PLEKHA6: variants seen among roughly 807,000 people sequenced by gnomAD.
The protein encoded by PLEKHA6 is pleckstrin homology domain-containing family A member 6.
In PLEKHA6, 60 loss-of-function variants were observed where a neutral mutation model predicts 116.7. The observed-to-expected ratio is 0.51, with a 90% confidence interval of 0.42 to 0.64. PLEKHA6 has a LOEUF of 0.64. Among genes scored for constraint, PLEKHA6 ranks in the 30% least tolerant of loss-of-function variants. PLEKHA6 has a pLI of 0.00. For missense variants in PLEKHA6, 1,338 were observed against 1,422.7 expected (o/e 0.94, Z 0.96); for synonymous variants, 489 against 556.1 (o/e 0.88, Z 1.70).
chr1:204,226,106 T>A (rs956940237), intron 21 of PLEKHA6, among the ~76,000 whole-genome samples: 6 of 152,190 alleles, frequency 3.9e-5, no homozygotes, highest in African/African-American at 1.4e-4. Flanking sequence ...GTGTCCTGGG[T>A]GTGAACCTGT....
chr1:204,252,386 G>A (rs1382534718), intron 9 of PLEKHA6, among the ~76,000 whole-genome samples: 1 of 151,872 alleles, frequency 6.6e-6, no homozygotes, highest in Non-Finnish European at 1.5e-5. Flanking sequence ...AGAAAGGGCA[G>A]GCCAACCAAT....
intron 3 of PLEKHA6, among the ~76,000 whole-genome samples, chr1:204,270,646 C>T (rs563984056): frequency 6.6e-5 from 10 of 152,208 alleles, no homozygotes; most frequent in Non-Finnish European, 1.0e-4. Flanking sequence ...ATTCCACTAC[C>T]GTGGTCTTAA....
intron 1 of PLEKHA6, among the ~76,000 whole-genome samples, chr1:204,304,830 G>C (rs778486800): frequency 9.2e-5 from 14 of 152,168 alleles, no homozygotes; most frequent in Non-Finnish European, 1.6e-4. Flanking sequence ...AGGTATGGAA[G>C]GGAGGGGGAA....
chr1:204,346,415 G>GGAGA (rs67652431), intron 1 of PLEKHA6, among the ~76,000 whole-genome samples: 1 of 1,648 alleles, frequency 6.1e-4, no homozygotes, highest in Non-Finnish European at 2.9e-3. Flanking sequence ...GGGCACCTGA[G>GGAGA]GGTGGCCAGC....
intron 15 of PLEKHA6, among the ~76,000 whole-genome samples, chr1:204,242,941 G>T (rs1663041319): frequency 6.6e-6 from 1 of 152,248 alleles, no homozygotes; most frequent in South Asian, 2.1e-4. Flanking sequence ...CTGTATGATG[G>T]CTTCAACTAT....
Position 204,324,930 on chromosome 1 carries a change from AT to A in PLEKHA6, c.-95+34763del, listed in dbSNP as rs530259653. On this transcript the variant is annotated intron_variant, in intron 1 of 22. Transcript: ENST00000272203. ...CAGAATTTTATTTATTTATTTATTT[AT>A]TTTTGAGATGGGGTCTCACTTTGTT... Among the ~76,000 whole-genome samples, 304 of 150,716 alleles carry A rather than the reference AT, an allele frequency of 2.0e-3. 1 individual carries two copies. Among genetic ancestry groups the A allele is most frequent in the African/African-American group, 5.7e-3 (228 of 40,298 alleles).
chr1:204,313,624 C>A, intron 1 of PLEKHA6: 2 of 984,830 alleles, frequency 2.0e-6, no homozygotes, highest in Non-Finnish European at 2.4e-6. Context: ...TCCATATTAG[C>A]CCAAGGAAAT....
At chr1:204,321,374 A>G (rs1199812077) in intron 1 of PLEKHA6, among the ~76,000 whole-genome samples, 1 of 151,954 alleles carries the variant, frequency 6.6e-6, no homozygotes, top group South Asian at 2.1e-4. Flanking sequence ...TAAAGGATTA[A>G]GTTCAGCCTC....
intron 1 of PLEKHA6, among the ~76,000 whole-genome samples, chr1:204,283,634 A>G (rs1239161216): frequency 6.6e-6 from 1 of 152,202 alleles, no homozygotes; most frequent in Non-Finnish European, 1.5e-5. Context: ...GATGCACCCA[A>G]TCTGAGCTCC....
Position 204,255,696 on chromosome 1 carries a change from G to T in PLEKHA6, c.1524+1657C>A, listed in dbSNP as rs987478431. 40 of 702,694 alleles carry T rather than the reference G, an allele frequency of 5.7e-5. No homozygotes were observed. The African/African-American group carries it at 6.1e-4, about 11-fold the overall frequency. The allele number at this position is 702,694 out of a possible 1,614,324, so 43.5% of individuals were successfully genotyped here. A position where few individuals can be genotyped will look rare whatever the true frequency, so the allele number is the denominator to read the frequency against. ...AAGTTCATCCTACCCGGAGCCCGAGGCCCAGAGGCCAAACAGCAACACAAA... is the reference window on the plus strand; with the variant it reads ...AAGTTCATCCTACCCGGAGCCCGAGTCCCAGAGGCCAAACAGCAACACAAA... On this transcript the variant is annotated intron_variant, in intron 9 of 22. Coordinates refer to ENST00000272203, the MANE Select transcript of PLEKHA6 (RefSeq NM_014935.5).
chr1:204,244,748 G>C, intron 15 of PLEKHA6, 116 bp downstream of exon 15: 4 of 738,024 alleles, frequency 5.4e-6, no homozygotes, highest in Non-Finnish European at 8.3e-6. Flanking sequence ...AAGAGCTCCA[G>C]CACTAGGGCT....
intron 1 of PLEKHA6, among the ~76,000 whole-genome samples, chr1:204,351,928 G>C (rs1673292938): frequency 6.6e-6 from 1 of 152,188 alleles, no homozygotes; most frequent in Non-Finnish European, 1.5e-5. Context: ...ACAAAAATTA[G>C]CCAGGCGTGG....
At position 204,229,110 on chromosome 1, in the gene PLEKHA6, G is replaced by A. The variant is rs1400000279; in HGVS notation, c.2584-6C>T. On this transcript the variant is annotated splice_region_variant and splice_polypyrimidine_tract_variant and intron_variant, in intron 18 of 22. Transcript: ENST00000272203. Reference sequence around the variant, plus strand: ...ATGCTGCGGTGGCGGCGCACCTAGGGGACAGCAGCATCGTGATTGCACCAT... The same window carrying A: ...ATGCTGCGGTGGCGGCGCACCTAGGAGACAGCAGCATCGTGATTGCACCAT... The A allele has an allele frequency of 1.9e-6, 3 of 1,610,454 alleles. No individual in the cohort carries two copies. The highest frequency in any genetic ancestry group is 2.2e-5 in the South Asian group (2 of 91,020).
intron 15 of PLEKHA6, among the ~76,000 whole-genome samples, chr1:204,244,230 C>A (rs899711927): frequency 6.6e-6 from 1 of 152,042 alleles, no homozygotes; most frequent in African/African-American, 2.4e-5. Context: ...CTCCTGGGTT[C>A]AAGCAATTCT....
intron 1 of PLEKHA6, among the ~76,000 whole-genome samples, chr1:204,289,768 A>G (rs149901227): frequency 2.6e-4 from 40 of 152,330 alleles, no homozygotes; most frequent in African/African-American, 9.4e-4. Flanking sequence ...GCCATTGTAA[A>G]TGTTTATCAT....
chr1:204,245,151 C>T, intron 14 of PLEKHA6, 148 bp from the exon 15 acceptor site: 2 of 549,846 alleles, frequency 3.6e-6, no homozygotes, highest in Non-Finnish European at 6.1e-6. Context: ...CTGGGCCTGC[C>T]AAAGGGGCTC....
rs1659636597 is a variant in PLEKHA6 at position 204,221,511 on chromosome 1, C to CT, written c.*1276_*1277insA. 3 of 152,666 alleles carry CT rather than the reference C, an allele frequency of 2.0e-5. No individual in the cohort carries two copies. The South Asian group carries it at 6.2e-4, about 32-fold the overall frequency. The allele number at this position is 152,666 out of a possible 1,614,324, so 9.5% of individuals were successfully genotyped here. On this transcript the variant is annotated 3_prime_UTR_variant, in exon 23 of 23. Transcript: ENST00000272203. The stretch of plus-strand genomic sequence containing the variant: ...GCAGGTGGATCATGAGAGCGCCTAG[C>CT]CTCAGCCAGTCCTCGTCTGGGATGC...
intron 1 of PLEKHA6, among the ~76,000 whole-genome samples, chr1:204,345,216 A>C (rs566294038): frequency 2.5e-4 from 38 of 152,306 alleles, no homozygotes; most frequent in African/African-American, 8.9e-4. Flanking sequence ...CCAAATCTGG[A>C]AGACACTGGG....
chr1:204,361,439 A>G (rs1673557255), upstream of PLEKHA6, among the ~76,000 whole-genome samples: 1 of 152,126 alleles, frequency 6.6e-6, no homozygotes, highest in Non-Finnish European at 1.5e-5. Flanking sequence ...ACACCACAGC[A>G]TTGGAGGAAG....
Sources: gnomAD v4.1 joint callset for allele counts (sites outside exome capture counted in the v4.1 genomes callset) on GRCh38, gnomAD v4.1.1 for gene constraint, MANE v1.5 for transcripts, NCBI Gene and HGNC (gene_info 2026-07-23, HGNC 2026-07-21) for gene names.